Variants in TTC9 observed in about 807,000 individuals in gnomAD.
The protein encoded by TTC9 is tetratricopeptide repeat protein 9A.
Under a neutral mutation model 22.9 loss-of-function variants are expected in TTC9, and 13 were observed. That is an observed-to-expected ratio of 0.57 (90% CI 0.37 to 0.90). The LOEUF is 0.90. Ranked by LOEUF, TTC9 falls within the 40% of genes least tolerant of loss-of-function variation. The pLI is 0.01. For synonymous variants in TTC9, 148 were observed against 133.2 expected (o/e 1.11, Z -0.77); for missense variants, 280 against 291.8 (o/e 0.96, Z 0.29).
chr14:70,669,363 TC>T (rs1886259874), intron 2 of TTC9, among the ~76,000 whole-genome samples: 1 of 152,068 alleles, frequency 6.6e-6, no homozygotes, highest in Non-Finnish European at 1.5e-5. Flanking sequence ...CACTACGACT[TC>T]CGCCTCTTGG....
intron 1 of TTC9, among the ~76,000 whole-genome samples, chr14:70,643,611 G>A (rs955077203): frequency 2.6e-5 from 4 of 152,216 alleles, no homozygotes; most frequent in South Asian, 4.1e-4. Flanking sequence ...GCAGGGTAGG[G>A]GTGGAAGAGT....
chr14:70,664,727 T>TA (rs71105722), intron 1 of TTC9, among the ~76,000 whole-genome samples: 22,155 of 140,948 alleles, frequency 0.16, 2,992 homozygotes, highest in African/African-American at 0.38. Flanking sequence ...TGACTCCATT[T>TA]AAAAAAAAAA....
chr14:70,641,968 A>C lies in TTC9; in HGVS notation c.-162A>C. ...AGCAGCCTCTGGCAGCAGCGGGGAG[A>C]ATGGGAGTGCGGGGCGCCAGACCGC... On this transcript the variant is annotated 5_prime_UTR_variant, in exon 1 of 3. Transcript: ENST00000256367. 3.8e-6 allele frequency: 1 copy of C among 265,236 alleles called. No individual in the cohort carries two copies. The highest frequency in any genetic ancestry group is 5.8e-6 in the Non-Finnish European group (1 of 172,692). 16.4% of individuals were successfully genotyped at this position (265,236 alleles called of 1,614,324 possible). A position where few individuals can be genotyped will look rare whatever the true frequency, so the allele number is the denominator to read the frequency against.
At chr14:70,667,789 G>T in intron 2 of TTC9, 43 bp downstream of exon 2, 2 of 1,541,936 alleles carry the variant, frequency 1.3e-6, no homozygotes, top group Non-Finnish European at 1.8e-6. Flanking sequence ...CCCTGCTCTG[G>T]TGGCTCCTGG....
intron 1 of TTC9, among the ~76,000 whole-genome samples, chr14:70,645,907 G>A (rs1358877257): frequency 2.0e-5 from 3 of 152,342 alleles, no homozygotes; most frequent in South Asian, 4.1e-4. Context: ...GTTGCTAAGG[G>A]CATCGCTGCT....
intron 1 of TTC9, among the ~76,000 whole-genome samples, chr14:70,662,478 G>T (rs927350669): frequency 6.6e-5 from 10 of 150,752 alleles, no homozygotes; most frequent in African/African-American, 2.4e-4. Context: ...AAGCCCTCTT[G>T]ATCACTGCTT....
Position 70,642,291 on chromosome 14 carries a change from C to G in TTC9, c.162C>G (p.Ile54Met), listed in dbSNP as rs758735183. ...CGGCGGCCGAGCCGGCCGAGCTCATCCGACGAGCGCACGAGTTCAAAAGCC... is the reference window on the plus strand; with the variant it reads ...CGGCGGCCGAGCCGGCCGAGCTCATGCGACGAGCGCACGAGTTCAAAAGCC... ...VGAAAEPAEL[I>M]RRAHEFKSQG... Residue 54 changes from isoleucine to methionine, a missense_variant, in exon 1 of 3, where the codon ATC becomes ATG. By Grantham distance (10) the Ile-to-Met change is conservative. Coordinates refer to ENST00000256367, the MANE Select transcript of TTC9 (RefSeq NM_015351.2). The G allele has an allele frequency of 1.3e-6, 2 of 1,537,200 alleles. No homozygotes were observed. The highest frequency in any genetic ancestry group is 2.4e-5 in the South Asian group (2 of 83,458).
At position 70,642,332 on chromosome 14, in the gene TTC9, A is replaced by G. The variant is rs760640000; in HGVS notation, c.203A>G (p.Tyr68Cys). The part of the protein sequence containing the change: ...HEFKSQGAQC[Y>C]KDKKFREAIG... ...TTCAAAAGCCAAGGGGCGCAGTGCT[A>G]CAAGGACAAGAAATTCCGTGAAGCC... Residue 68 changes from tyrosine to cysteine, a missense_variant, in exon 1 of 3, where the codon TAC (tyrosine) becomes TGC (cysteine). Around this residue, in one of 5 missense-constraint regions of TTC9, gnomAD observed 165 missense variants for 145.4 expected, o/e 1.14. Transcript: ENST00000256367. The G allele has an allele frequency of 3.1e-6, 5 of 1,594,266 alleles. No homozygotes were observed. Among genetic ancestry groups the G allele is most frequent in the African/African-American group, 1.4e-5 (1 of 73,656 alleles).
rs912672375 is a variant in TTC9 at position 70,674,866 on chromosome 14, T to C, written c.*3711T>C. ...ATTTGTTCCCAATCTTCATTGTAAA[T>C]AGTGTTGCAACTGACATTCTTGTAG... On this transcript the variant is annotated 3_prime_UTR_variant, in exon 3 of 3. Transcript: ENST00000256367. The C allele has an allele frequency of 6.6e-6, 1 of 152,246 alleles. No homozygotes were observed. Among genetic ancestry groups the C allele is most frequent in the East Asian group, 1.9e-4 (1 of 5,200 alleles). 9.4% of individuals were successfully genotyped at this position (152,246 alleles called of 1,614,324 possible). A position where few individuals can be genotyped will look rare whatever the true frequency, so the allele number is the denominator to read the frequency against.
chr14:70,658,967 A>G (rs57618386), intron 1 of TTC9, among the ~76,000 whole-genome samples: 241 of 152,324 alleles, frequency 1.6e-3, no homozygotes, highest in African/African-American at 5.4e-3. Context: ...AAAGGATTTC[A>G]TGCTATGTGA....
intron 1 of TTC9, among the ~76,000 whole-genome samples, chr14:70,660,602 A>G (rs1886132111): frequency 6.6e-6 from 1 of 152,158 alleles, no homozygotes; most frequent in Non-Finnish European, 1.5e-5. Context: ...GAAGAATAAG[A>G]CCCAGGGTGA....
chr14:70,645,111 CAAAAAAT>C (rs796621209), intron 1 of TTC9, among the ~76,000 whole-genome samples: 491 of 151,256 alleles, frequency 3.2e-3, no homozygotes, highest in African/African-American at 0.011. Flanking sequence ...GACTCTGTCT[CAAAAAAT>C]AAAAAATAAA....
chr14:70,650,283 C>T (rs1490829411), intron 1 of TTC9, among the ~76,000 whole-genome samples: 1 of 152,072 alleles, frequency 6.6e-6, no homozygotes, highest in Admixed American at 6.6e-5. Flanking sequence ...ATTAGCTGGG[C>T]ATGGTGGCGC....
chr14:70,648,994 T>A (rs17176566), intron 1 of TTC9, among the ~76,000 whole-genome samples: 8,043 of 152,320 alleles, frequency 0.053, 306 homozygotes, highest in Admixed American at 0.081. Flanking sequence ...GAAGTGGTAC[T>A]AACAAGCTCA....
intron 1 of TTC9, among the ~76,000 whole-genome samples, chr14:70,659,643 A>C (rs952640694): frequency 5.9e-5 from 9 of 152,198 alleles, no homozygotes; most frequent in African/African-American, 1.9e-4. Context: ...TTACATAGGA[A>C]GTTTCCGGAT....
At chr14:70,667,503 G>A (rs529336594) in intron 1 of TTC9, 61 bp from the exon 2 acceptor site, 128 of 1,589,442 alleles carry the variant, frequency 8.1e-5, no homozygotes, top group Admixed American at 6.3e-4. Context: ...AGCAACTCAA[G>A]GGAAACATGC....
chr14:70,650,062 G>A (rs1885961348), intron 1 of TTC9, among the ~76,000 whole-genome samples: 1 of 152,186 alleles, frequency 6.6e-6, no homozygotes, highest in East Asian at 1.9e-4. Context: ...TAGGGTGTGT[G>A]AATTCCAGTT....
intron 1 of TTC9, among the ~76,000 whole-genome samples, chr14:70,659,132 G>GCGCACACACA (rs762892061): frequency 4.3e-4 from 62 of 144,328 alleles, no homozygotes; most frequent in African/African-American, 1.6e-3. Context: ...ACACACACAC[G>GCGCACACACA]CACACACACA....
At position 70,674,493 on chromosome 14, in the gene TTC9, GTA is replaced by G. The variant is rs1886340576; in HGVS notation, c.*3340_*3341del. On this transcript the variant is annotated 3_prime_UTR_variant, in exon 3 of 3. Transcript: ENST00000256367. ...TACTCTTTAATAACTTTTCAAGTGT[GTA>G]TTTATATTTTAGAATATGTAATCCT... The G allele has an allele frequency of 6.6e-6, 1 of 152,160 alleles. No individual in the cohort carries two copies. The highest frequency in any genetic ancestry group is 2.1e-4 in the South Asian group (1 of 4,824). 9.4% of individuals were successfully genotyped at this position (152,160 alleles called of 1,614,324 possible). A position where few individuals can be genotyped will look rare whatever the true frequency, so the allele number is the denominator to read the frequency against.
Sources: gnomAD v4.1 joint callset for allele counts (sites outside exome capture counted in the v4.1 genomes callset) on GRCh38, gnomAD v4.1.1 for gene constraint, gnomAD v4.1.1 regional missense constraint, MANE v1.5 for transcripts, NCBI Gene and HGNC (gene_info 2026-07-23, HGNC 2026-07-21) for gene names.